LRRC4C: variants seen among roughly 807,000 people sequenced by gnomAD.
LRRC4C encodes leucine-rich repeat-containing protein 4C.
LRRC4C carries 5 observed loss-of-function variants against 33.6 expected under a neutral mutation model. The observed-to-expected ratio is 0.15, with a 90% CI of 0.08 to 0.31. The LOEUF is 0.31. Among genes scored for constraint, LRRC4C ranks in the 10% least tolerant of loss-of-function variants. LRRC4C has a pLI of 1.00. For missense variants in LRRC4C, 560 were observed against 796.7 expected (o/e 0.70, Z 3.58); for synonymous variants, 329 against 302.0 (o/e 1.09, Z -0.93).
chr11:40,712,589 TTAATA>T (rs1216091892), intron 2 of LRRC4C, among the ~76,000 whole-genome samples: 2 of 152,136 alleles, frequency 1.3e-5, no homozygotes, highest in African/African-American at 2.4e-5. Context: ...ACCCATGTAA[TTAATA>T]TATTAACATT....
chr11:40,197,756 A>G (rs760910865), intron 5 of LRRC4C, among the ~76,000 whole-genome samples: 13 of 152,328 alleles, frequency 8.5e-5, no homozygotes, highest in Non-Finnish European at 1.3e-4. Flanking sequence ...CTAGGAGAGT[A>G]TGTTTTATCT....
intron 2 of LRRC4C, among the ~76,000 whole-genome samples, chr11:40,758,841 CT>C (rs1391722448): frequency 6.6e-6 from 1 of 151,846 alleles, no homozygotes; most frequent in Non-Finnish European, 1.5e-5. Context: ...ATCAAATTCC[CT>C]TTGTCTGACA....
intron 5 of LRRC4C, among the ~76,000 whole-genome samples, chr11:40,185,446 G>A (rs1448753453): frequency 6.6e-6 from 1 of 152,000 alleles, no homozygotes; most frequent in African/African-American, 2.4e-5. Context: ...AGGGACTGAC[G>A]CTGCACCATT....
At chr11:40,615,354 T>C (rs1246163784) in intron 3 of LRRC4C, among the ~76,000 whole-genome samples, 1 of 150,564 alleles carries the variant, frequency 6.6e-6, no homozygotes, top group Non-Finnish European at 1.5e-5. Context: ...AGTACCTAGA[T>C]AGCATTCCAG....
chr11:40,674,735 C>A (rs530423627), intron 2 of LRRC4C, among the ~76,000 whole-genome samples: 5 of 152,080 alleles, frequency 3.3e-5, no homozygotes, highest in African/African-American at 1.2e-4. Flanking sequence ...ATGATGATTA[C>A]GAGGATGAAT....
chr11:40,329,781 G>A (rs1305415264), intron 3 of LRRC4C, among the ~76,000 whole-genome samples: 3 of 135,612 alleles, frequency 2.2e-5, no homozygotes, highest in East Asian at 4.2e-4. Context: ...TCAATCTGTC[G>A]CCCAGGCTGG....
intron 3 of LRRC4C, among the ~76,000 whole-genome samples, chr11:40,607,853 A>C (rs1182496474): frequency 6.6e-6 from 1 of 152,050 alleles, no homozygotes; most frequent in African/African-American, 2.4e-5. Context: ...GGGAGCTGTA[A>C]ACACTCATCC....
At chr11:40,664,658 C>G (rs1943622042) in intron 2 of LRRC4C, among the ~76,000 whole-genome samples, 1 of 151,894 alleles carries the variant, frequency 6.6e-6, no homozygotes, top group Admixed American at 6.6e-5. Context: ...GAAACCCAAA[C>G]AAAATGTAGG....
intron 1 of LRRC4C, among the ~76,000 whole-genome samples, chr11:41,023,711 T>C (rs1318610793): frequency 1.3e-5 from 2 of 151,676 alleles, no homozygotes; most frequent in Admixed American, 6.6e-5. Flanking sequence ...GATAGTGAAG[T>C]TTTCCAAAGA....
chr11:40,417,325 T>TA (rs199675314), intron 3 of LRRC4C, among the ~76,000 whole-genome samples: 1,688 of 137,680 alleles, frequency 0.012, 35 homozygotes, highest in African/African-American at 0.04. Flanking sequence ...ACATGATTTT[T>TA]TTTTTATTTA....
intron 3 of LRRC4C, among the ~76,000 whole-genome samples, chr11:40,459,196 T>C (rs1952274358): frequency 1.3e-5 from 2 of 152,202 alleles, no homozygotes; most frequent in South Asian, 4.1e-4. Flanking sequence ...GTTCTCTTAT[T>C]CAATGTTTCA....
intron 2 of LRRC4C, among the ~76,000 whole-genome samples, chr11:40,679,632 G>T (rs1944576846): frequency 6.6e-6 from 1 of 152,176 alleles, no homozygotes; most frequent in South Asian, 2.1e-4. Flanking sequence ...TGCTTTAGAA[G>T]GTGGAAGCCC....
chr11:41,235,545 T>C (rs1418581277), intron 1 of LRRC4C, among the ~76,000 whole-genome samples: 1 of 152,084 alleles, frequency 6.6e-6, no homozygotes, highest in Non-Finnish European at 1.5e-5. Flanking sequence ...ATAGTCATAG[T>C]CTCTCTCCCT....
chr11:40,571,767 C>T (rs11826830), intron 3 of LRRC4C, among the ~76,000 whole-genome samples: 2,570 of 152,194 alleles, frequency 0.017, 89 homozygotes, highest in African/African-American at 0.058. Context: ...AATTTGAAGC[C>T]TTCAGGTTTT....
chr11:41,431,895 C>T (rs780663446), intron 1 of LRRC4C, among the ~76,000 whole-genome samples: 7 of 152,004 alleles, frequency 4.6e-5, no homozygotes, highest in South Asian at 2.1e-4. Flanking sequence ...GTGGGCCATG[C>T]GCTCTGATTT....
At chr11:40,215,250 T>C (rs990340375) in intron 5 of LRRC4C, among the ~76,000 whole-genome samples, 3 of 152,140 alleles carry the variant, frequency 2.0e-5, no homozygotes, top group East Asian at 3.9e-4. Context: ...TTATCTCCAC[T>C]TTACAGATGA....
intron 3 of LRRC4C, among the ~76,000 whole-genome samples, chr11:40,354,993 G>C (rs953490900): frequency 6.6e-6 from 1 of 152,154 alleles, no homozygotes; most frequent in Non-Finnish European, 1.5e-5. Context: ...AGGCCCACGG[G>C]AAGTACTGTC....
At chr11:40,902,795 T>C (rs2136201874) in intron 2 of LRRC4C, among the ~76,000 whole-genome samples, 1 of 152,270 alleles carries the variant, frequency 6.6e-6, no homozygotes, top group South Asian at 2.1e-4. Flanking sequence ...TTTAATTCTA[T>C]GAAGGCTGAG....
At chr11:40,978,698 T>C (rs1017970904) in intron 1 of LRRC4C, among the ~76,000 whole-genome samples, 1 of 150,858 alleles carries the variant, frequency 6.6e-6, no homozygotes. Context: ...CTCAGCTCAC[T>C]GCAACCTCCG....
Sources: allele counts gnomAD v4.1 joint callset (sites outside exome capture counted in the v4.1 genomes callset), GRCh38; gene constraint gnomAD v4.1.1; transcripts MANE v1.5; gene names NCBI Gene and HGNC (gene_info 2026-07-23, HGNC 2026-07-21).